Variants in SNTG1 observed in about 807,000 individuals in gnomAD.
SNTG1 encodes the protein gamma-1-syntrophin.
Under a neutral mutation model 74.7 loss-of-function variants are expected in SNTG1, and 39 were observed. The observed-to-expected ratio is 0.52, with a 90% confidence interval of 0.40 to 0.68. The LOEUF (loss-of-function observed/expected upper bound fraction) is 0.68. Among genes scored for constraint, SNTG1 ranks in the 30% least tolerant of loss-of-function variants. SNTG1 has a pLI of 0.00. For synonymous variants in SNTG1, 254 were observed against 217.1 expected (o/e 1.17, Z -1.49); for missense variants, 685 against 609.5 (o/e 1.12, Z -1.30).
At chr8:50,443,686 TG>T (rs1410020271) in intron 5 of SNTG1, among the ~76,000 whole-genome samples, 1 of 152,202 alleles carries the variant, frequency 6.6e-6, no homozygotes, top group Non-Finnish European at 1.5e-5. Flanking sequence ...GCAGTAGAGT[TG>T]GACCTCAGTC....
intron 1 of SNTG1, among the ~76,000 whole-genome samples, chr8:50,124,286 C>G (rs2131368974): frequency 7.0e-6 from 1 of 142,158 alleles, no homozygotes; most frequent in African/African-American, 2.5e-5. Flanking sequence ...GCTGACACAT[C>G]AGCCTCAGAG....
At chr8:50,676,632 C>T (rs892820810) in intron 15 of SNTG1, among the ~76,000 whole-genome samples, 2 of 151,830 alleles carry the variant, frequency 1.3e-5, no homozygotes, top group Non-Finnish European at 2.9e-5. Context: ...TATCTAGTGA[C>T]ACCTATTTAT....
chr8:50,446,496 G>A lies in SNTG1; in HGVS notation c.220-3172G>A, dbSNP rs371634131. 5.9e-5 allele frequency among the ~76,000 whole-genome samples: 9 copies of A among 151,620 alleles called. No homozygotes were observed. In the East Asian group the frequency reaches 1.2e-3, roughly 20 times the overall value. ...GGGGTTCAAGACCAGCCTGGCCAAC[G>A]TGTTGAAATCCCATCTCTACAAAAA... is the stretch of plus-strand genomic sequence containing the variant. On this transcript the variant is annotated intron_variant, in intron 5 of 18. Transcript: ENST00000642720.
At chr8:49,958,601 A>G (rs1410041374) in intron 1 of SNTG1, among the ~76,000 whole-genome samples, 1 of 151,996 alleles carries the variant, frequency 6.6e-6, no homozygotes, top group Non-Finnish European at 1.5e-5. Context: ...TGGTAATTTT[A>G]GTAGAGACAA....
chr8:49,948,989 G>A (rs989393809), intron 1 of SNTG1, among the ~76,000 whole-genome samples: 2 of 152,172 alleles, frequency 1.3e-5, no homozygotes, highest in African/African-American at 4.8e-5. Flanking sequence ...GCCTTCCACA[G>A]GAGAGGTGCA....
intron 2 of SNTG1, among the ~76,000 whole-genome samples, chr8:50,273,707 C>A (rs540925164): frequency 3.9e-5 from 6 of 152,222 alleles, no homozygotes; most frequent in Admixed American, 1.3e-4. Context: ...AGAGGGTTAA[C>A]AATGGTGGTG....
At position 50,431,411 on chromosome 8, in the gene SNTG1, A is replaced by G. The variant is rs573396798; in HGVS notation, c.163-7132A>G. ...AAAATTATTCAATACTTCACTGTAT[A>G]GATGTACCACAGTTTGTTTATTCAT... On this transcript the variant is annotated intron_variant, in intron 4 of 18. Transcript: ENST00000642720. 1.0e-3 allele frequency among the ~76,000 whole-genome samples: 155 copies of G among 152,342 alleles called. 1 individual carries two copies. The highest frequency in any genetic ancestry group is 8.1e-3 in the South Asian group (39 of 4,824).
intron 1 of SNTG1, among the ~76,000 whole-genome samples, chr8:50,008,055 T>C (rs1450252954): frequency 6.6e-6 from 1 of 152,000 alleles, no homozygotes; most frequent in African/African-American, 2.4e-5. Flanking sequence ...ACCGGGTCCC[T>C]CCCTCAACAC....
At chr8:50,002,732 A>T (rs1226175121) in intron 1 of SNTG1, among the ~76,000 whole-genome samples, 1 of 152,172 alleles carries the variant, frequency 6.6e-6, no homozygotes, top group Non-Finnish European at 1.5e-5. Context: ...GATATGACCC[A>T]GCAATTTTGT....
At chr8:50,639,846 A>G (rs1339837704) in intron 13 of SNTG1, among the ~76,000 whole-genome samples, 1 of 152,072 alleles carries the variant, frequency 6.6e-6, no homozygotes, top group African/African-American at 2.4e-5. Flanking sequence ...TCCATAAGTA[A>G]TTATCAACAA....
At chr8:50,272,135 G>T (rs1429873360) in intron 2 of SNTG1, among the ~76,000 whole-genome samples, 3 of 152,222 alleles carry the variant, frequency 2.0e-5, no homozygotes, top group South Asian at 4.1e-4. Flanking sequence ...AAGGTGTTTT[G>T]CTATAGCAGC....
At chr8:50,559,130 G>A (rs2094472838) in intron 12 of SNTG1, among the ~76,000 whole-genome samples, 1 of 152,162 alleles carries the variant, frequency 6.6e-6, no homozygotes, top group Non-Finnish European at 1.5e-5. Context: ...CCAGATAGAG[G>A]CTTGGAGATG....
intron 15 of SNTG1, among the ~76,000 whole-genome samples, chr8:50,669,758 A>G (rs2095269955): frequency 6.6e-6 from 1 of 152,324 alleles, no homozygotes; most frequent in African/African-American, 2.4e-5. Context: ...TTTTAGACTA[A>G]TATCCTTGAT....
chr8:50,382,552 G>A (rs529079659), intron 2 of SNTG1, among the ~76,000 whole-genome samples: 41 of 152,294 alleles, frequency 2.7e-4, no homozygotes, highest in African/African-American at 9.4e-4. Context: ...AGAGCAGGAA[G>A]TAGGGTAGCT....
At chr8:50,188,645 A>T (rs1418078403) in intron 2 of SNTG1, among the ~76,000 whole-genome samples, 1 of 152,124 alleles carries the variant, frequency 6.6e-6, no homozygotes, top group Non-Finnish European at 1.5e-5. Context: ...GGTGTGCCTG[A>T]GTCCACTCTG....
intron 9 of SNTG1, among the ~76,000 whole-genome samples, chr8:50,520,621 A>G (rs530664812): frequency 6.6e-6 from 1 of 152,244 alleles, no homozygotes; most frequent in African/African-American, 2.4e-5. Flanking sequence ...GGATATGAAC[A>G]GACACTTCTC....
chr8:50,090,514 A>G (rs1276049200), intron 1 of SNTG1, among the ~76,000 whole-genome samples: 1 of 152,182 alleles, frequency 6.6e-6, no homozygotes, highest in African/African-American at 2.4e-5. Context: ...AAGGTTCTCT[A>G]GAAGTCTTGA....
intron 1 of SNTG1, among the ~76,000 whole-genome samples, chr8:50,078,450 A>G (rs748231716): frequency 1.3e-5 from 2 of 152,122 alleles, no homozygotes; most frequent in Non-Finnish European, 2.9e-5. Flanking sequence ...TGTTTGGTAC[A>G]TTTCAGTATA....
chr8:50,756,623 C>T (rs2095581199), intron 18 of SNTG1, among the ~76,000 whole-genome samples: 2 of 151,808 alleles, frequency 1.3e-5, no homozygotes, highest in South Asian at 4.1e-4. Context: ...TTCCATTGAT[C>T]TATTTGTCTG....
Sources: gnomAD v4.1 joint callset for allele counts (sites outside exome capture counted in the v4.1 genomes callset) on GRCh38, gnomAD v4.1.1 for gene constraint, MANE v1.5 for transcripts, NCBI Gene and HGNC (gene_info 2026-07-23, HGNC 2026-07-21) for gene names.